The following THSD7A variants were observed in gnomAD, a reference collection of about 807,000 sequenced individuals.
THSD7A encodes thrombospondin type 1 domain containing 7A, also known as thrombospondin type-1 domain-containing protein 7A.
In THSD7A, 96 loss-of-function variants were observed where a neutral mutation model predicts 231.3. The ratio of observed to expected loss-of-function variants is 0.41; its 90% confidence interval spans 0.35 to 0.49. The LOEUF (loss-of-function observed/expected upper bound fraction) is 0.49. THSD7A is among the 20% of genes least tolerant of loss of function. The pLI is 0.05. For synonymous variants in THSD7A, 940 were observed against 743.3 expected (o/e 1.26, Z -4.30); for missense variants, 2,290 against 2,070.2 (o/e 1.11, Z -2.06).
intron 1 of THSD7A, among the ~76,000 whole-genome samples, chr7:11,643,897 C>T (rs546281038): frequency 6.6e-6 from 1 of 152,016 alleles, no homozygotes; most frequent in East Asian, 1.9e-4. Flanking sequence ...GCAAAAGTGC[C>T]CACCAAAATG....
chr7:11,432,587 C>T (rs1396189538), intron 13 of THSD7A, among the ~76,000 whole-genome samples: 1 of 152,000 alleles, frequency 6.6e-6, no homozygotes, highest in African/African-American at 2.4e-5. Flanking sequence ...TTTGTGCTAG[C>T]CTTTTCACTC....
At chr7:11,391,290 C>T (rs546626786) in intron 23 of THSD7A, among the ~76,000 whole-genome samples, 17 of 152,278 alleles carry the variant, frequency 1.1e-4, no homozygotes, top group African/African-American at 3.6e-4. Context: ...TTCACAAATG[C>T]CCTGCCCAGA....
intron 1 of THSD7A, among the ~76,000 whole-genome samples, chr7:11,765,025 T>C (rs1782988316): frequency 6.6e-6 from 1 of 152,060 alleles, no homozygotes; most frequent in South Asian, 2.1e-4. Flanking sequence ...ATTAAATACT[T>C]AAAAATATGT....
intron 6 of THSD7A, among the ~76,000 whole-genome samples, chr7:11,539,673 A>C (rs1164796079): frequency 6.6e-6 from 1 of 152,322 alleles, no homozygotes; most frequent in East Asian, 1.9e-4. Flanking sequence ...AAAATAAGCC[A>C]CTGATATTTT....
At chr7:11,656,119 T>A (rs1019308719) in intron 1 of THSD7A, among the ~76,000 whole-genome samples, 1 of 151,870 alleles carries the variant, frequency 6.6e-6, no homozygotes, top group Non-Finnish European at 1.5e-5. Context: ...ATTTTACAGT[T>A]CAAAATTGAC....
chr7:11,481,801 A>G lies in THSD7A; in HGVS notation c.2004T>C (p.Tyr668=), dbSNP rs61996277. 133,576 of 1,602,974 alleles carry G rather than the reference A, an allele frequency of 0.083. 6,365 individuals carry two copies. Among genetic ancestry groups the G allele is most frequent in the Admixed American group, 0.13 (7,439 of 59,184 alleles). ...KQIRARSILA[Y]AGEEGGIRCP... ...CTGGCGACTCACCTTCTTCACCCGC[A>G]TAGGCCAGAATGGATCGTGCTCGTA... Residue 668 remains tyrosine, a synonymous_variant, in exon 7 of 28, where the codon TAT becomes TAC. Transcript: ENST00000423059.
At chr7:11,408,850 A>C (rs1187114020) in intron 19 of THSD7A, among the ~76,000 whole-genome samples, 1 of 152,144 alleles carries the variant, frequency 6.6e-6, no homozygotes, top group Non-Finnish European at 1.5e-5. Context: ...TTACCATATC[A>C]CTCAATCGAA....
chr7:11,546,307 A>G (rs1011643635), intron 4 of THSD7A, among the ~76,000 whole-genome samples: 4 of 151,948 alleles, frequency 2.6e-5, no homozygotes, highest in East Asian at 1.9e-4. Context: ...CACCACCCCA[A>G]TGTAGTGCTT....
intron 6 of THSD7A, among the ~76,000 whole-genome samples, chr7:11,492,960 C>G (rs1436467961): frequency 1.3e-5 from 2 of 152,030 alleles, no homozygotes; most frequent in African/African-American, 4.8e-5. Context: ...GAAATTTCAG[C>G]AATGGAGGAA....
intron 1 of THSD7A, chr7:11,821,023 T>C (rs950150445): frequency 1.0e-6 from 1 of 986,740 alleles, no homozygotes; most frequent in Non-Finnish European, 1.6e-6. Flanking sequence ...TAGCCAGGTT[T>C]TCTGGGACTT....
chr7:11,497,027 A>G (rs1367733252), intron 6 of THSD7A, among the ~76,000 whole-genome samples: 1 of 152,198 alleles, frequency 6.6e-6, no homozygotes, highest in Non-Finnish European at 1.5e-5. Context: ...TTTATAAAGG[A>G]AAGAGGTTTA....
intron 6 of THSD7A, among the ~76,000 whole-genome samples, chr7:11,482,801 A>C (rs1786484570): frequency 6.6e-6 from 1 of 152,174 alleles, no homozygotes; most frequent in South Asian, 2.1e-4. Context: ...AGATTGGCCC[A>C]AAAATGGACA....
chr7:11,402,092 G>A, intron 22 of THSD7A, 124 bp from the exon 23 acceptor site: 1 of 714,298 alleles, frequency 1.4e-6, no homozygotes. Flanking sequence ...ATATTTATAA[G>A]ATTTAAATAA....
chr7:11,591,369 C>A (rs1271150134), intron 3 of THSD7A, among the ~76,000 whole-genome samples: 1 of 152,002 alleles, frequency 6.6e-6, no homozygotes, highest in African/African-American at 2.4e-5. Context: ...TTCTCGATGC[C>A]ACCGAAGACA....
intron 4 of THSD7A, among the ~76,000 whole-genome samples, chr7:11,550,144 G>C (rs2128325787): frequency 6.6e-6 from 1 of 152,024 alleles, no homozygotes; most frequent in East Asian, 1.9e-4. Flanking sequence ...CAAACTATCA[G>C]GATACAAAAT....
chr7:11,470,366 A>ATGATACTAACGAGTCTT (rs1785888001), intron 8 of THSD7A, among the ~76,000 whole-genome samples: 1 of 152,076 alleles, frequency 6.6e-6, no homozygotes, highest in African/African-American at 2.4e-5. Flanking sequence ...ATCTAATTCT[A>ATGATACTAACGAGTCTT]TGATACATAT....
intron 6 of THSD7A, among the ~76,000 whole-genome samples, chr7:11,495,035 T>C (rs1000503036): frequency 6.6e-6 from 1 of 152,086 alleles, no homozygotes; most frequent in African/African-American, 2.4e-5. Flanking sequence ...GGGTTTATTC[T>C]TCTGTGCAGT....
chr7:11,605,175 T>A (rs1780693563), intron 2 of THSD7A, among the ~76,000 whole-genome samples: 1 of 152,116 alleles, frequency 6.6e-6, no homozygotes, highest in African/African-American at 2.4e-5. Flanking sequence ...CCTCTCTCTA[T>A]ATGTACATGT....
Position 11,474,327 on chromosome 7 carries a change from C to T in THSD7A, c.2252+7G>A, listed in dbSNP as rs977536708. 4 of 1,604,068 alleles carry T rather than the reference C, an allele frequency of 2.5e-6. No homozygotes were observed. In the Admixed American group the frequency reaches 5.0e-5, roughly 20 times the overall value. On this transcript the variant is annotated splice_region_variant and intron_variant, in intron 8 of 27. Transcript: ENST00000423059. This position sits in a 1 kb window ranked among gnomAD's most constrained non-coding sequence, Gnocchi z 4.1. ...ACGATTTACTGTTGTCATTCTAAAG[C>T]TCTTACTTTTTGGGTCCCACTTGGC...
Sources: gnomAD v4.1 joint callset for allele counts (sites outside exome capture counted in the v4.1 genomes callset) on GRCh38, gnomAD v4.1.1 for gene constraint, Gnocchi (gnomAD v3.1) non-coding constraint, MANE v1.5 for transcripts, NCBI Gene and HGNC (gene_info 2026-07-23, HGNC 2026-07-21) for gene names.